DEPDC7: variants seen among roughly 807,000 people sequenced by gnomAD.
DEPDC7 encodes the protein DEP domain containing 7.
In DEPDC7, 41 loss-of-function variants were observed where a neutral mutation model predicts 56.6. That is an observed-to-expected ratio of 0.72 (90% confidence interval 0.56 to 0.94). The LOEUF (loss-of-function observed/expected upper bound fraction) is 0.94, where lower values mean the gene tolerates loss of function less well. DEPDC7 is among the 40% of genes least tolerant of loss of function. The pLI, the probability that DEPDC7 is intolerant of heterozygous loss-of-function variation, is 0.00. For synonymous variants in DEPDC7, 185 were observed against 208.8 expected, an observed-to-expected ratio of 0.89 and a Z score of 0.98; for missense variants, 522 against 596.3, an observed-to-expected ratio of 0.88 and a Z score of 1.30.
chr11:33,026,828 T>G (rs1392498543), intron 2 of DEPDC7: 1 of 151,770 alleles, frequency 6.6e-6, no homozygotes, highest in Non-Finnish European at 1.5e-5. Context: ...CCCATTATGG[T>G]TCAAGACCAG....
chr11:33,030,108 C>T (rs1027136032), intron 4 of DEPDC7, among the ~76,000 whole-genome samples: 9 of 152,074 alleles, frequency 5.9e-5, no homozygotes, highest in Non-Finnish European at 7.4e-5. Context: ...TACAGGCGCA[C>T]GCCACCATGC....
At chr11:33,025,526 T>G (rs1431525080) in intron 1 of DEPDC7, 133 bp from the exon 2 acceptor site, 11 of 821,352 alleles carry the variant, frequency 1.3e-5, no homozygotes, top group Non-Finnish European at 2.1e-5. Flanking sequence ...AGTATTTCAG[T>G]AAGCTACCCT....
At position 33,016,040 on chromosome 11, in the gene DEPDC7, G is replaced by C; in HGVS notation, c.73+12G>C. On this transcript the variant is annotated intron_variant, in intron 1 of 8. Coordinates refer to ENST00000241051, the MANE Select transcript of DEPDC7 (RefSeq NM_001077242.2). ...GCACAGGCCTCCGGGTAGGTGCCGA[G>C]GACTGCCGCCTGGGATGGCGCGGGG... The C allele has an allele frequency of 6.7e-7, 1 of 1,494,164 alleles. No homozygotes were observed. Among genetic ancestry groups the C allele is most frequent in the Non-Finnish European group, 8.9e-7 (1 of 1,118,416 alleles). The allele number at this position is 1,494,164 out of a possible 1,614,324, so 92.6% of individuals were successfully genotyped here.
At chr11:33,027,206 A>G (rs1312462102) in intron 2 of DEPDC7, among the ~76,000 whole-genome samples, 1 of 152,236 alleles carries the variant, frequency 6.6e-6, no homozygotes, top group Non-Finnish European at 1.5e-5. Context: ...ACAAAAGAAT[A>G]TACTACCGGG....
At chr11:33,022,935 T>G (rs1853537129) in intron 1 of DEPDC7, among the ~76,000 whole-genome samples, 2 of 152,204 alleles carry the variant, frequency 1.3e-5, no homozygotes, top group South Asian at 4.1e-4. Context: ...TGAAATATCT[T>G]CAAATTTAAA....
chr11:33,027,441 A>C (rs1380812408), intron 2 of DEPDC7, among the ~76,000 whole-genome samples: 4 of 152,190 alleles, frequency 2.6e-5, no homozygotes, highest in Non-Finnish European at 4.4e-5. Context: ...CGCATTTTTA[A>C]ACTGGTGACT....
chr11:33,016,579 A>G (rs577244158), intron 1 of DEPDC7: 2 of 1,614,182 alleles, frequency 1.2e-6, no homozygotes, highest in East Asian at 2.2e-5. Context: ...GGAATTTGGC[A>G]TAAAAGGTAT....
intron 1 of DEPDC7, chr11:33,016,687 C>G (rs752909506): frequency 1.7e-6 from 2 of 1,157,648 alleles, no homozygotes; most frequent in Admixed American, 1.8e-5. Flanking sequence ...GCAAATTCTG[C>G]CACGGGCCTA....
In DEPDC7 at chr11:33,031,405, T is replaced by C. The variant is rs1280196813; in HGVS notation, c.810T>C (p.Ile270=). Residue 270 remains isoleucine, a synonymous_variant, in exon 5 of 9, where the codon ATT becomes ATC. Coordinates refer to ENST00000241051, the MANE Select transcript of DEPDC7 (RefSeq NM_001077242.2). Reference sequence around the variant, plus strand: ...AAGATGAGTGGCTCTCGGCAGCAATTGACTGTTTAGAATACCTTCCAGACC... The same window carrying C: ...AAGATGAGTGGCTCTCGGCAGCAATCGACTGTTTAGAATACCTTCCAGACC... ...SQEDEWLSAA[I]DCLEYLPDQM... 1 of 1,614,064 alleles carries C rather than the reference T, an allele frequency of 6.2e-7. No homozygotes were observed. Among genetic ancestry groups the C allele is most frequent in the African/African-American group, 1.3e-5 (1 of 74,934 alleles).
At chr11:33,031,887 C>T (rs1853636808) in intron 5 of DEPDC7, among the ~76,000 whole-genome samples, 2 of 152,216 alleles carry the variant, frequency 1.3e-5, no homozygotes, top group Admixed American at 1.3e-4. Flanking sequence ...ACCACCATTA[C>T]TCCCCTTTCA....
At chr11:33,025,334 A>G (rs1323825058) in intron 1 of DEPDC7, among the ~76,000 whole-genome samples, 1 of 152,186 alleles carries the variant, frequency 6.6e-6, no homozygotes, top group East Asian at 1.9e-4. Flanking sequence ...CGCATTCTTT[A>G]TCTTATCCAG....
In DEPDC7 at chr11:33,031,581, A is replaced by G. The variant is rs749866972; in HGVS notation, c.986A>G (p.Glu329Gly). ...TCTGACGTTCATAATGGAATTGCAGAACTCTTAGGTAAGTAAGATCTAACT... is the reference window on the plus strand; with the variant it reads ...TCTGACGTTCATAATGGAATTGCAGGACTCTTAGGTAAGTAAGATCTAACT... Reference protein sequence around the residue: ...HLSDVHNGIAELLVNGKTEIA... With the variant: ...HLSDVHNGIAGLLVNGKTEIA... The change falls in exon 5 of 9, where the codon GAA (glutamate) becomes GGA (glycine). Residue 329 changes from glutamate to glycine, a missense_variant. Coordinates refer to ENST00000241051, the MANE Select transcript of DEPDC7 (RefSeq NM_001077242.2). The G allele has an allele frequency of 5.6e-6, 9 of 1,611,894 alleles. No homozygotes were observed. The South Asian group carries it at 9.9e-5, about 18-fold the overall frequency.
intron 5 of DEPDC7, among the ~76,000 whole-genome samples, chr11:33,031,851 T>C (rs1220966586): frequency 6.6e-6 from 1 of 152,210 alleles, no homozygotes; most frequent in South Asian, 2.1e-4. Context: ...AAGCAGCAAT[T>C]CTCTTTTTTT....
chr11:33,020,296 A>G (rs2133658227), intron 1 of DEPDC7, among the ~76,000 whole-genome samples: 1 of 152,348 alleles, frequency 6.6e-6, no homozygotes, highest in Non-Finnish European at 1.5e-5. Flanking sequence ...ATATTATCTT[A>G]GAAGTTTAAC....
At chr11:33,018,495 G>A (rs1325354880) in intron 1 of DEPDC7, among the ~76,000 whole-genome samples, 1 of 152,092 alleles carries the variant, frequency 6.6e-6, no homozygotes. Context: ...GTCACATCTT[G>A]TCTTCTCATC....
chr11:33,032,247 T>C, intron 5 of DEPDC7, 89 bp from the exon 6 acceptor site: 1 of 1,250,242 alleles, frequency 8.0e-7, no homozygotes, highest in Non-Finnish European at 1.1e-6. Flanking sequence ...ATAAGTGCAC[T>C]TTTTAACTCA....
intron 1 of DEPDC7, among the ~76,000 whole-genome samples, chr11:33,023,802 A>C (rs189573741): frequency 6.6e-6 from 1 of 152,300 alleles, no homozygotes; most frequent in Non-Finnish European, 1.5e-5. Context: ...TTCATCTTAA[A>C]CATTCTATTT....
At chr11:33,028,817 T>C in intron 4 of DEPDC7, 25 bp downstream of exon 4, 1 of 1,541,866 alleles carries the variant, frequency 6.5e-7, no homozygotes. Flanking sequence ...ATATAATAAT[T>C]TGAGTGTGTT....
intron 1 of DEPDC7, 62 bp from the exon 2 acceptor site, chr11:33,025,597 G>A: frequency 2.0e-6 from 3 of 1,495,394 alleles, no homozygotes; most frequent in Non-Finnish European, 1.8e-6. Context: ...GGATTGCTTA[G>A]ACCTTATTAC....
Sources: allele counts gnomAD v4.1 joint callset (sites outside exome capture counted in the v4.1 genomes callset), GRCh38; gene constraint gnomAD v4.1.1; transcripts MANE v1.5; gene names NCBI Gene and HGNC (gene_info 2026-07-23, HGNC 2026-07-21).